Variants in PABPC4L observed in about 807,000 individuals in gnomAD.
PABPC4L encodes poly(A) binding protein cytoplasmic 4 like.
For synonymous variants in PABPC4L, 169 were observed against 164.1 expected (o/e 1.03, Z -0.23); for missense variants, 452 against 451.4 (o/e 1.00, Z -0.01).
chr4:134,062,475 G>T, the PABPC4L span, among the ~76,000 whole-genome samples: 1 of 151,804 alleles, frequency 6.6e-6, no homozygotes, highest in Non-Finnish European at 1.5e-5. Flanking sequence ...TCATCTCAAA[G>T]TGTTAATATG....
chr4:134,029,933 G>C, the PABPC4L span, among the ~76,000 whole-genome samples: 2 of 152,040 alleles, frequency 1.3e-5, no homozygotes, highest in South Asian at 4.2e-4. Flanking sequence ...ATGTTGGTGA[G>C]TGAGTTCTCA....
the PABPC4L span, among the ~76,000 whole-genome samples, chr4:134,084,982 A>G: frequency 1.3e-5 from 2 of 152,090 alleles, no homozygotes; most frequent in Non-Finnish European, 2.9e-5. Context: ...AATGACTTCT[A>G]CCTCATAGAT....
chr4:134,107,787 T>G, the PABPC4L span, among the ~76,000 whole-genome samples: 691 of 151,760 alleles, frequency 4.6e-3, 8 homozygotes, highest in African/African-American at 0.016. Flanking sequence ...CAATTCCGTG[T>G]GTTCAATTAG....
At chr4:134,027,007 T>C in the PABPC4L span, among the ~76,000 whole-genome samples, 2 of 152,272 alleles carry the variant, frequency 1.3e-5, no homozygotes, top group African/African-American at 4.8e-5. Context: ...GCCACTAAGT[T>C]TGTGGTACTT....
At chr4:134,156,517 G>A in the PABPC4L span, among the ~76,000 whole-genome samples, 3 of 151,732 alleles carry the variant, frequency 2.0e-5, no homozygotes, top group African/African-American at 7.3e-5. Flanking sequence ...TCTTACAAAT[G>A]TGGATGCACG....
At chr4:134,144,807 A>C in the PABPC4L span, among the ~76,000 whole-genome samples, 1 of 151,834 alleles carries the variant, frequency 6.6e-6, no homozygotes, top group African/African-American at 2.4e-5. Flanking sequence ...TTTTTAATCT[A>C]AAATGCATTT....
At chr4:133,969,355 G>A in the PABPC4L span, among the ~76,000 whole-genome samples, 2 of 152,124 alleles carry the variant, frequency 1.3e-5, no homozygotes, top group East Asian at 3.9e-4. Context: ...TCAGCCATAT[G>A]AGCTGGACTC....
chr4:134,188,201 A>C, the PABPC4L span, among the ~76,000 whole-genome samples: 2,202 of 152,116 alleles, frequency 0.014, 40 homozygotes, highest in African/African-American at 0.05. Flanking sequence ...AACAACAACA[A>C]CACTACCACT....
chr4:134,034,652 G>A, the PABPC4L span, among the ~76,000 whole-genome samples: 1,127 of 152,038 alleles, frequency 7.4e-3, 11 homozygotes, highest in African/African-American at 0.017. Context: ...ACCAGTGGAG[G>A]AAGTAAGTGC....
the PABPC4L span, among the ~76,000 whole-genome samples, chr4:134,171,139 C>G: frequency 6.6e-6 from 1 of 152,106 alleles, no homozygotes; most frequent in East Asian, 1.9e-4. Context: ...TGTATGCACT[C>G]TTTTTTGGCT....
At chr4:134,179,188 A>G in the PABPC4L span, among the ~76,000 whole-genome samples, 1 of 152,180 alleles carries the variant, frequency 6.6e-6, no homozygotes, top group Non-Finnish European at 1.5e-5. Flanking sequence ...CCATCGGGCA[A>G]ACAGCAGACC....
the PABPC4L span, among the ~76,000 whole-genome samples, chr4:133,968,524 C>T: frequency 6.6e-6 from 1 of 152,086 alleles, no homozygotes; most frequent in Admixed American, 6.5e-5. Flanking sequence ...TCAATAGCGA[C>T]AGGATTGAAC....
the PABPC4L span, among the ~76,000 whole-genome samples, chr4:134,132,931 T>C: frequency 1.4e-5 from 2 of 145,718 alleles, no homozygotes; most frequent in African/African-American, 5.0e-5. Flanking sequence ...ATATAAATTA[T>C]ACATTATATA....
the PABPC4L span, among the ~76,000 whole-genome samples, chr4:133,965,226 C>CA: frequency 6.6e-6 from 1 of 151,864 alleles, no homozygotes; most frequent in Non-Finnish European, 1.5e-5. Flanking sequence ...ACAATAGCTG[C>CA]AAAAAATCTG....
the PABPC4L span, among the ~76,000 whole-genome samples, chr4:134,048,008 T>G: frequency 6.6e-6 from 1 of 152,262 alleles, no homozygotes; most frequent in South Asian, 2.1e-4. Flanking sequence ...GAAATCATTT[T>G]AAAACATGCT....
the PABPC4L span, among the ~76,000 whole-genome samples, chr4:134,122,507 TAC>T: frequency 6.6e-6 from 1 of 151,912 alleles, no homozygotes; most frequent in Admixed American, 6.6e-5. Flanking sequence ...TTTTGTACAC[TAC>T]AGTCTTAGAA....
the PABPC4L span, among the ~76,000 whole-genome samples, chr4:134,149,795 A>T: frequency 6.6e-6 from 1 of 152,278 alleles, no homozygotes; most frequent in Admixed American, 6.5e-5. Context: ...CAGTATAGGT[A>T]AATTATTTAC....
At chr4:134,085,392 ATAT>A in the PABPC4L span, among the ~76,000 whole-genome samples, 5 of 152,180 alleles carry the variant, frequency 3.3e-5, no homozygotes, top group South Asian at 2.1e-4. Flanking sequence ...CATATGTGAC[ATAT>A]TATACATTCT....
chr4:134,087,057 G>GT, the PABPC4L span, among the ~76,000 whole-genome samples: 3 of 151,546 alleles, frequency 2.0e-5, no homozygotes, highest in Admixed American at 6.6e-5. Flanking sequence ...GCAGTGTTTG[G>GT]TTTTTTGTTC....
Sources: gnomAD v4.1 joint callset for allele counts (sites outside exome capture counted in the v4.1 genomes callset) on GRCh38, gnomAD v4.1.1 for gene constraint, MANE v1.5 for transcripts, NCBI Gene and HGNC (gene_info 2026-07-23, HGNC 2026-07-21) for gene names.